BHMT2: variants seen among roughly 807,000 people sequenced by gnomAD.
BHMT2 encodes S-methylmethionine--homocysteine S-methyltransferase BHMT2.
Under a neutral mutation model 39.0 loss-of-function variants are expected in BHMT2, and 28 were observed. The ratio of observed to expected loss-of-function variants is 0.72; its 90% confidence interval spans 0.53 to 0.98. The LOEUF (loss-of-function observed/expected upper bound fraction) is 0.98. Among genes scored for constraint, BHMT2 ranks in the 50% least tolerant of loss-of-function variants. The pLI is 0.00. For missense variants in BHMT2, 410 were observed against 455.6 expected, an observed-to-expected ratio of 0.90 and a Z score of 0.91; for synonymous variants, 145 against 160.6, an observed-to-expected ratio of 0.90 and a Z score of 0.74.
Position 79,077,488 on chromosome 5 carries a change from G to A in BHMT2, c.42G>A (p.Leu14=), listed in dbSNP as rs1755693821. ...AGRPGAKKGI[L]ERLESGEVVI... ...TTTTTTCTCTTCTTCAGGGGATTTTGGAGCGCCTGGAGAGTGGGGAGGTTG... is the reference window on the plus strand; with the variant it reads ...TTTTTTCTCTTCTTCAGGGGATTTTAGAGCGCCTGGAGAGTGGGGAGGTTG... The change falls in exon 2 of 8, where the codon TTG becomes TTA. Residue 14 remains leucine, a synonymous_variant. Transcript: ENST00000255192. 6.2e-7 allele frequency: 1 copy of A among 1,612,430 alleles called. No homozygotes were observed. The highest frequency in any genetic ancestry group is 1.7e-5 in the Admixed American group (1 of 59,834).
rs1755811186 is a variant in BHMT2 at position 79,082,806 on chromosome 5, T to G, written c.451-3T>G. The G allele has an allele frequency of 6.2e-7, 1 of 1,613,414 alleles. No individual in the cohort carries two copies. Among genetic ancestry groups the G allele is most frequent in the Non-Finnish European group, 8.5e-7 (1 of 1,179,850 alleles). ...CCAGTAGAAAAAGTGACATTTCTCT[T>G]AGTATTTTGAGCACGTTGAAGAAGC... On this transcript the variant is annotated splice_polypyrimidine_tract_variant and splice_region_variant and intron_variant, in intron 4 of 7. Transcript: ENST00000255192.
At chr5:79,071,461 G>A (rs962771477) in intron 1 of BHMT2, among the ~76,000 whole-genome samples, 8 of 152,206 alleles carry the variant, frequency 5.3e-5, no homozygotes, top group African/African-American at 1.9e-4. Flanking sequence ...GGGCATAAAT[G>A]CACCCTAGAG....
chr5:79,077,175 A>G (rs570524779), intron 1 of BHMT2, among the ~76,000 whole-genome samples: 2 of 152,356 alleles, frequency 1.3e-5, no homozygotes, highest in African/African-American at 4.8e-5. Flanking sequence ...GTAGACAACT[A>G]GCTGTGTTGT....
At chr5:79,087,017 T>TGC (rs1491066570) in intron 7 of BHMT2, among the ~76,000 whole-genome samples, 15 of 62,348 alleles carry the variant, frequency 2.4e-4, no homozygotes, top group African/African-American at 9.4e-4. Context: ...TGTGTGTGTA[T>TGC]ATATATATAT....
intron 2 of BHMT2, among the ~76,000 whole-genome samples, chr5:79,079,078 T>C (rs1256868123): frequency 6.6e-6 from 1 of 152,252 alleles, no homozygotes; most frequent in African/African-American, 2.4e-5. Flanking sequence ...TAAACCTCTC[T>C]AGACCAAGAG....
At chr5:79,087,321 T>C (rs1561244058) in intron 7 of BHMT2, among the ~76,000 whole-genome samples, 1 of 151,952 alleles carries the variant, frequency 6.6e-6, no homozygotes, top group Non-Finnish European at 1.5e-5. Context: ...TTTGTATATG[T>C]GTCATACTTT....
rs112955253 is a variant in BHMT2, at chr5:79,083,352, G to A, written c.759G>A (p.Val253=). Residue 253 remains valine, a synonymous_variant, in exon 6 of 8, where the codon GTG becomes GTA. Transcript: ENST00000255192. ...CTGACTGTGGCAAAGAGGGGTTTGT[G>A]GATCTCCCAGAATATCCCTTTGGTA... ...HAPDCGKEGF[V]DLPEYPFGLE... 24 of 1,603,650 alleles carry A rather than the reference G, an allele frequency of 1.5e-5. 1 individual carries two copies. In the African/African-American group the frequency reaches 2.7e-4, roughly 18 times the overall value.
At chr5:79,069,837 C>T (rs1176788827) in intron 1 of BHMT2, 22 bp downstream of exon 1, 1 of 1,404,278 alleles carries the variant, frequency 7.1e-7, no homozygotes, top group South Asian at 1.6e-5. Context: ...CCCCTCGATC[C>T]TCGCGGAGCT....
In BHMT2 at chr5:79,079,494, T is replaced by A. The variant is rs1580250276; in HGVS notation, c.258+34T>A. The A allele has an allele frequency of 2.0e-6, 3 of 1,474,860 alleles. No individual in the cohort carries two copies. In the African/African-American group the frequency reaches 4.2e-5, roughly 21 times the overall value. 91.4% of individuals were successfully genotyped at this position (1,474,860 alleles called of 1,614,324 possible). Reference sequence around the variant, plus strand: ...CAATGGCTGGGTGTGGGGGAGGGAGTCATCTATTAAAAAATAACCTCTTCA... The same window carrying A: ...CAATGGCTGGGTGTGGGGGAGGGAGACATCTATTAAAAAATAACCTCTTCA... On this transcript the variant is annotated intron_variant, in intron 3 of 7. Transcript: ENST00000255192.
Position 79,083,772 on chromosome 5 carries a change from G to A in BHMT2, c.926G>A (p.Arg309Lys). 6.2e-7 allele frequency: 1 copy of A among 1,614,094 alleles called. No homozygotes were observed. Among genetic ancestry groups the A allele is most frequent in the South Asian group, 1.1e-5 (1 of 91,068 alleles). Residue 309 changes from arginine to lysine, a missense_variant, in exon 7 of 8, where the codon AGG (arginine) becomes AAG (lysine). Coordinates refer to ENST00000255192, the MANE Select transcript of BHMT2 (RefSeq NM_017614.5). ...ATTGCAGAGGAGCTGGCCCCAGAAA[G>A]GGGCTTTTTGCCACCAGCTTCAGAA... The part of the protein sequence containing the change: ...RAIAEELAPE[R>K]GFLPPASEKH...
At chr5:79,071,645 C>A (rs573030718) in intron 1 of BHMT2, among the ~76,000 whole-genome samples, 1 of 152,092 alleles carries the variant, frequency 6.6e-6, no homozygotes, top group African/African-American at 2.4e-5. Flanking sequence ...ACAACACACA[C>A]TGGGGCCTAT....
At chr5:79,087,014 GTATATATATA>G (rs369119738) in intron 7 of BHMT2, among the ~76,000 whole-genome samples, 2 of 118,324 alleles carry the variant, frequency 1.7e-5, no homozygotes, top group African/African-American at 3.2e-5. Context: ...GTGTGTGTGT[GTATATATATA>G]TATATATATA....
intron 1 of BHMT2, among the ~76,000 whole-genome samples, chr5:79,070,431 T>C (rs1481278488): frequency 6.6e-6 from 1 of 152,102 alleles, no homozygotes; most frequent in East Asian, 1.9e-4. Flanking sequence ...TCCTGGCCCC[T>C]TTCCTGGTCT....
chr5:79,076,736 G>C (rs1418724012), intron 1 of BHMT2, among the ~76,000 whole-genome samples: 1 of 152,194 alleles, frequency 6.6e-6, no homozygotes, highest in Non-Finnish European at 1.5e-5. Flanking sequence ...CAAATGATAA[G>C]ACACGTGTGA....
At chr5:79,077,380 C>A in intron 1 of BHMT2, 100 bp from the exon 2 acceptor site, 1 of 1,442,310 alleles carries the variant, frequency 6.9e-7, no homozygotes, top group Non-Finnish European at 9.3e-7. Context: ...AAAACTACAG[C>A]TCTAAGAACG....
intron 1 of BHMT2, among the ~76,000 whole-genome samples, chr5:79,071,884 G>A (rs1371368103): frequency 6.6e-6 from 1 of 151,462 alleles, no homozygotes; most frequent in African/African-American, 2.4e-5. Context: ...ATTAATTGAG[G>A]TAGTTAGAAT....
chr5:79,085,464 T>C (rs1440652088), intron 7 of BHMT2, among the ~76,000 whole-genome samples: 1 of 152,222 alleles, frequency 6.6e-6, no homozygotes, highest in Non-Finnish European at 1.5e-5. Context: ...GTGGATCACC[T>C]GAGGTCAGCA....
intron 7 of BHMT2, among the ~76,000 whole-genome samples, chr5:79,087,935 T>C (rs771287094): frequency 2.6e-5 from 4 of 152,204 alleles, no homozygotes; most frequent in Admixed American, 6.5e-5. Context: ...ATCCCAGTAC[T>C]TTGGGAGGCC....
chr5:79,079,529 A>G, intron 3 of BHMT2, 69 bp downstream of exon 3: 2 of 1,082,500 alleles, frequency 1.8e-6, no homozygotes, highest in Admixed American at 1.9e-5. Context: ...ATGGGAAGCT[A>G]TGGAATTGAT....
Sources: gnomAD v4.1 joint callset for allele counts (sites outside exome capture counted in the v4.1 genomes callset) on GRCh38, gnomAD v4.1.1 for gene constraint, MANE v1.5 for transcripts, NCBI Gene and HGNC (gene_info 2026-07-23, HGNC 2026-07-21) for gene names.